Variants in SEMA3C observed in about 807,000 individuals in gnomAD.
The protein encoded by SEMA3C is semaphorin-3C.
A neutral mutation model predicts 89.4 loss-of-function variants in SEMA3C; 47 were observed. The ratio of observed to expected loss-of-function variants is 0.53; its 90% CI spans 0.42 to 0.67. The LOEUF (loss-of-function observed/expected upper bound fraction) is 0.67, where lower values mean the gene tolerates loss of function less well. Among genes scored for constraint, SEMA3C ranks in the 30% least tolerant of loss-of-function variants. The pLI is 0.00. For synonymous variants in SEMA3C, 310 were observed against 320.2 expected, an observed-to-expected ratio of 0.97 and a Z score of 0.34; for missense variants, 839 against 929.1, an observed-to-expected ratio of 0.90 and a Z score of 1.26.
Position 80,818,402 on chromosome 7 carries a change from A to T in SEMA3C, c.344T>A (p.Phe115Tyr), listed in dbSNP as rs777712824. 1.1e-5 allele frequency: 18 copies of T among 1,613,400 alleles called. No individual in the cohort carries two copies. The highest frequency in any genetic ancestry group is 1.6e-4 in the Middle Eastern group (1 of 6,080). Residue 115 changes from phenylalanine (F) to tyrosine (Y), a missense_variant, in exon 5 of 18, where the codon TTT becomes TAT. Physicochemically the swap from Phe to Tyr is conservative, Grantham distance 22. Transcript: ENST00000265361. ...ATTGAAAGTCTGAATTACACGGACA[A>T]AGTTCCCACAGCCGTGCTAAAAGAA... is the stretch of plus-strand genomic sequence containing the variant. ...GKDPTHGCGN[F>Y]VRVIQTFNRT...
At chr7:80,868,237 C>A (rs1350572494) in intron 2 of SEMA3C, among the ~76,000 whole-genome samples, 1 of 151,902 alleles carries the variant, frequency 6.6e-6, no homozygotes, top group East Asian at 1.9e-4. Flanking sequence ...CTTCATATAT[C>A]CTTCCCTTAT....
chr7:80,767,540 A>G (rs926006703), intron 12 of SEMA3C, among the ~76,000 whole-genome samples: 1 of 152,244 alleles, frequency 6.6e-6, no homozygotes, highest in African/African-American at 2.4e-5. Flanking sequence ...TGTGGGGGTT[A>G]AAGCAAATTT....
At chr7:80,848,498 C>T (rs1367341248) in intron 2 of SEMA3C, among the ~76,000 whole-genome samples, 1 of 152,200 alleles carries the variant, frequency 6.6e-6, no homozygotes, top group Non-Finnish European at 1.5e-5. Context: ...TTGAATAACA[C>T]TGAAGGTCAC....
At chr7:80,790,502 C>T (rs373609164) in intron 11 of SEMA3C, among the ~76,000 whole-genome samples, 1 of 152,178 alleles carries the variant, frequency 6.6e-6, no homozygotes, top group Non-Finnish European at 1.5e-5. Flanking sequence ...CAGGCCTCTG[C>T]ATGATCTGGC....
chr7:80,860,610 A>T (rs1313737592), intron 2 of SEMA3C, among the ~76,000 whole-genome samples: 1 of 152,216 alleles, frequency 6.6e-6, no homozygotes, highest in Admixed American at 6.5e-5. Flanking sequence ...TCAGAGAGCA[A>T]GATCTAAGCT....
At chr7:80,798,376 G>T (rs1456074895) in intron 10 of SEMA3C, 140 bp from the exon 11 acceptor site, 1 of 716,802 alleles carries the variant, frequency 1.4e-6, no homozygotes, top group Non-Finnish European at 2.0e-6. Context: ...CATGTGAAAA[G>T]CTGAAAAACT....
At chr7:80,914,439 A>T (rs1792223530) in intron 2 of SEMA3C, among the ~76,000 whole-genome samples, 1 of 144,470 alleles carries the variant, frequency 6.9e-6, no homozygotes, top group Non-Finnish European at 1.6e-5. Context: ...TATTGAACCA[A>T]GGTTTAAAAT....
Position 80,755,708 on chromosome 7 carries a change from A to C in SEMA3C, c.1643+2623T>G, listed in dbSNP as rs1562860328. On this transcript the variant is annotated intron_variant, in intron 15 of 17. Transcript: ENST00000265361. ...AAGTAAATAGTATCACCTTACTAAG[A>C]GCTATGCTAATCTAATATCACTACT... Among the ~76,000 whole-genome samples the C allele has an allele frequency of 2.0e-5, 3 of 152,184 alleles. No individual in the cohort carries two copies. In the South Asian group the frequency reaches 6.2e-4, roughly 32 times the overall value.
At chr7:80,863,720 G>GAT (rs1041391073) in intron 2 of SEMA3C, among the ~76,000 whole-genome samples, 5 of 145,264 alleles carry the variant, frequency 3.4e-5, no homozygotes, top group Admixed American at 6.9e-5. Flanking sequence ...ATATATCACA[G>GAT]ATATATATAT....
In SEMA3C at chr7:80,871,535, G is replaced by T. The variant is rs189270182; in HGVS notation, c.104-42790C>A. 1.5e-3 allele frequency among the ~76,000 whole-genome samples: 230 copies of T among 152,254 alleles called. 1 individual carries two copies. The highest frequency in any genetic ancestry group is 5.2e-3 in the African/African-American group (215 of 41,560). The stretch of plus-strand genomic sequence containing the variant: ...CAGACACTGCTCGAGGTGCTGAAGG[G>T]TATTAACCCATTTATGCCAGACAAA... On this transcript the variant is annotated intron_variant, in intron 2 of 17. Coordinates refer to ENST00000265361, the MANE Select transcript of SEMA3C (RefSeq NM_006379.5).
intron 2 of SEMA3C, among the ~76,000 whole-genome samples, chr7:80,877,941 TACTTC>T (rs749428921): frequency 2.6e-5 from 4 of 152,222 alleles, no homozygotes; most frequent in African/African-American, 4.8e-5. Flanking sequence ...GCTTATTTAT[TACTTC>T]ACTTCAACTC....
At chr7:80,783,158 T>C (rs189696800) in intron 12 of SEMA3C, among the ~76,000 whole-genome samples, 18 of 152,326 alleles carry the variant, frequency 1.2e-4, no homozygotes, top group Non-Finnish European at 2.6e-4. Flanking sequence ...ACAAATTTTT[T>C]CAGCAATGAG....
intron 4 of SEMA3C, among the ~76,000 whole-genome samples, chr7:80,827,039 T>C (rs969088376): frequency 2.6e-5 from 4 of 152,142 alleles, no homozygotes; most frequent in Admixed American, 2.6e-4. Context: ...CACTACCCTT[T>C]TGCCAAGAAT....
At chr7:80,891,499 T>G (rs1259615829) in intron 2 of SEMA3C, among the ~76,000 whole-genome samples, 1 of 151,176 alleles carries the variant, frequency 6.6e-6, no homozygotes, top group Non-Finnish European at 1.5e-5. Flanking sequence ...GAAATATACA[T>G]GGAGGGATAG....
chr7:80,885,290 T>G (rs868820569), intron 2 of SEMA3C, among the ~76,000 whole-genome samples: 7 of 152,158 alleles, frequency 4.6e-5, no homozygotes, highest in Middle Eastern at 3.4e-3. Context: ...TATCCCTAGG[T>G]AAATTGTTTA....
At chr7:80,769,147 T>C (rs1301813698) in intron 12 of SEMA3C, among the ~76,000 whole-genome samples, 1 of 152,240 alleles carries the variant, frequency 6.6e-6, no homozygotes, top group Non-Finnish European at 1.5e-5. Context: ...CAATGTGTAA[T>C]GATCAAATCA....
At chr7:80,852,836 G>A (rs961031336) in intron 2 of SEMA3C, among the ~76,000 whole-genome samples, 3 of 151,810 alleles carry the variant, frequency 2.0e-5, no homozygotes, top group East Asian at 1.9e-4. Context: ...CCACCACCAC[G>A]CCTGGCCAAT....
chr7:80,745,375 C>T (rs1787777465), intron 17 of SEMA3C, 68 bp from the exon 18 acceptor site: 1 of 1,417,784 alleles, frequency 7.1e-7, no homozygotes, highest in African/African-American at 1.4e-5. Context: ...GACCAACATA[C>T]ACAGAATAGT....
At chr7:80,920,869 T>C (rs192008594), upstream of SEMA3C, among the ~76,000 whole-genome samples, 217 of 152,336 alleles carry the variant, frequency 1.4e-3, 1 homozygote, top group African/African-American at 4.2e-3. Context: ...CTCTCCACTA[T>C]TATCCTCCTT....
Sources: gnomAD v4.1 joint callset for allele counts (sites outside exome capture counted in the v4.1 genomes callset) on GRCh38, gnomAD v4.1.1 for gene constraint, MANE v1.5 for transcripts, NCBI Gene and HGNC (gene_info 2026-07-23, HGNC 2026-07-21) for gene names.